Variants in AUH observed in about 807,000 individuals in gnomAD.
AUH encodes methylglutaconyl-CoA hydratase, mitochondrial.
Under a neutral mutation model 42.3 loss-of-function variants are expected in AUH, and 29 were observed. That is an observed-to-expected ratio of 0.69 (90% CI 0.51 to 0.93). The LOEUF (loss-of-function observed/expected upper bound fraction) is 0.93. AUH is among the 40% of genes least tolerant of loss of function. AUH has a pLI of 0.00. For synonymous variants in AUH, 174 were observed against 166.4 expected, an observed-to-expected ratio of 1.05 and a Z score of -0.35; for missense variants, 452 against 438.1, an observed-to-expected ratio of 1.03 and a Z score of -0.28.
intron 4 of AUH, among the ~76,000 whole-genome samples, chr9:91,300,881 C>T (rs1027159340): frequency 6.6e-6 from 1 of 152,202 alleles, no homozygotes; most frequent in African/African-American, 2.4e-5. Flanking sequence ...TCAAATGTCC[C>T]TTCCTCTATG....
At chr9:91,277,415 T>A (rs1011434170) in intron 6 of AUH, among the ~76,000 whole-genome samples, 1 of 152,170 alleles carries the variant, frequency 6.6e-6, no homozygotes, top group Non-Finnish European at 1.5e-5. Flanking sequence ...TTCCTTAACA[T>A]GATTAAGGAA....
At position 91,241,948 on chromosome 9, in the gene AUH, C is replaced by T. The variant is rs571739713; in HGVS notation, c.656-20956G>A. Among the ~76,000 whole-genome samples, 281 of 152,334 alleles carry T rather than the reference C, an allele frequency of 1.8e-3. 3 individuals carry two copies. The highest frequency in any genetic ancestry group is 0.011 in the South Asian group (52 of 4,826). ...TTAAATAATAGTTATTTATTGTGCA[C>T]TACAAGTTACTCTAAAACTCAGTGG... is the stretch of plus-strand genomic sequence containing the variant. On this transcript the variant is annotated intron_variant, in intron 6 of 9. Coordinates refer to ENST00000375731, the MANE Select transcript of AUH (RefSeq NM_001698.3).
intron 3 of AUH, among the ~76,000 whole-genome samples, chr9:91,335,541 T>A (rs1217682933): frequency 6.6e-6 from 1 of 152,228 alleles, no homozygotes; most frequent in Non-Finnish European, 1.5e-5. Context: ...TTCCATGTCA[T>A]TAGTTTATGC....
Position 91,354,280 on chromosome 9 carries a change from G to A in AUH, c.418+1603C>T, listed in dbSNP as rs199730799. Among the ~76,000 whole-genome samples, 4 of 152,070 alleles carry A rather than the reference G, an allele frequency of 2.6e-5. No homozygotes were observed. In the East Asian group the frequency reaches 7.7e-4, roughly 29 times the overall value. On this transcript the variant is annotated intron_variant, in intron 3 of 9. Transcript: ENST00000375731. ...TATGCCCCAATTTTTCTATAATTAA[G>A]ACACTGACTTTTGTTGACAAAATAC...
chr9:91,220,655 G>T, intron 7 of AUH, 150 bp downstream of exon 7: 1 of 742,364 alleles, frequency 1.3e-6, no homozygotes, highest in South Asian at 1.8e-5. Flanking sequence ...TTTATCTTGT[G>T]TAACTGCTCT....
chr9:91,331,417 T>C (rs1299547435), intron 3 of AUH, among the ~76,000 whole-genome samples: 1 of 152,232 alleles, frequency 6.6e-6, no homozygotes, highest in East Asian at 1.9e-4. Context: ...AGATTTCATA[T>C]GTTCCTTGTA....
At chr9:91,241,395 A>G (rs973419112) in intron 6 of AUH, among the ~76,000 whole-genome samples, 1 of 152,068 alleles carries the variant, frequency 6.6e-6, no homozygotes, top group African/African-American at 2.4e-5. Flanking sequence ...ACAATATGTT[A>G]TATATTATAT....
intron 6 of AUH, among the ~76,000 whole-genome samples, chr9:91,274,458 G>GTGT (rs1825392703): frequency 6.6e-6 from 1 of 152,180 alleles, no homozygotes; most frequent in African/African-American, 2.4e-5. Flanking sequence ...ACCTAAGGAT[G>GTGT]TGTTCTTAAT....
intron 4 of AUH, 45 bp from the exon 5 acceptor site, chr9:91,298,121 T>C (rs1468787310): frequency 2.8e-6 from 4 of 1,424,442 alleles, no homozygotes; most frequent in Admixed American, 1.7e-5. Flanking sequence ...AAGATTATTA[T>C]CTCACTGTGT....
At chr9:91,315,689 T>C (rs1829102564) in intron 4 of AUH, among the ~76,000 whole-genome samples, 1 of 152,322 alleles carries the variant, frequency 6.6e-6, no homozygotes. Flanking sequence ...ATTTGGCACA[T>C]ATAAAGAATA....
At chr9:91,252,803 C>A (rs1030769302) in intron 6 of AUH, among the ~76,000 whole-genome samples, 2 of 152,200 alleles carry the variant, frequency 1.3e-5, no homozygotes, top group Non-Finnish European at 2.9e-5. Context: ...GTAGCATTGA[C>A]CTTTTGACAT....
chr9:91,284,750 C>A (rs184273322), intron 6 of AUH, among the ~76,000 whole-genome samples: 112 of 152,268 alleles, frequency 7.4e-4, no homozygotes, highest in Middle Eastern at 3.4e-3. Context: ...CAAATCAAAA[C>A]CACAATGAGA....
At chr9:91,283,994 C>T (rs559931665) in intron 6 of AUH, among the ~76,000 whole-genome samples, 2 of 151,668 alleles carry the variant, frequency 1.3e-5, no homozygotes, top group South Asian at 2.1e-4. Flanking sequence ...AAAAAGGGCC[C>T]GCATTGCCAA....
At chr9:91,297,921 AC>A (rs1290072657) in intron 5 of AUH, 62 bp downstream of exon 5, 1 of 1,257,156 alleles carries the variant, frequency 8.0e-7, no homozygotes. Context: ...ATTTAAAATT[AC>A]CTGAAGAGTA....
chr9:91,259,391 C>T (rs545911376), intron 6 of AUH, among the ~76,000 whole-genome samples: 10 of 151,732 alleles, frequency 6.6e-5, no homozygotes, highest in Admixed American at 2.0e-4. Context: ...TCTGACCTCA[C>T]CTCTGACCTA....
chr9:91,270,442 A>C (rs1299981662), intron 6 of AUH, among the ~76,000 whole-genome samples: 2 of 152,184 alleles, frequency 1.3e-5, no homozygotes, highest in Non-Finnish European at 2.9e-5. Context: ...TGTTCTCAGG[A>C]AGGAGAATAG....
rs76484784 is a variant in AUH, at chr9:91,236,092, G to A, written c.656-15100C>T. Reference sequence around the variant, plus strand: ...AGGAAGTACAGATGGATGGAGGAAAGAGATTTGAACATGCATTTCAGAAAG... The same window carrying A: ...AGGAAGTACAGATGGATGGAGGAAAAAGATTTGAACATGCATTTCAGAAAG... On this transcript the variant is annotated intron_variant, in intron 6 of 9. Coordinates refer to ENST00000375731, the MANE Select transcript of AUH (RefSeq NM_001698.3). Among the ~76,000 whole-genome samples, 745 of 152,362 alleles carry A rather than the reference G, an allele frequency of 4.9e-3. 7 individuals are homozygous for A. The highest frequency in any genetic ancestry group is 0.042 in the East Asian group (218 of 5,184).
intron 3 of AUH, among the ~76,000 whole-genome samples, chr9:91,330,351 G>C (rs10991887): frequency 0.072 from 10,941 of 152,172 alleles, 682 homozygotes; most frequent in East Asian, 0.27. Context: ...TCATGTGTTA[G>C]AATAGTTCAT....
intron 6 of AUH, among the ~76,000 whole-genome samples, chr9:91,274,048 G>T (rs1825362631): frequency 6.6e-6 from 1 of 152,128 alleles, no homozygotes; most frequent in Admixed American, 6.5e-5. Flanking sequence ...ATGTAGGGCA[G>T]GGAAACAGGT....
Sources: allele counts gnomAD v4.1 joint callset (sites outside exome capture counted in the v4.1 genomes callset), GRCh38; gene constraint gnomAD v4.1.1; transcripts MANE v1.5; gene names NCBI Gene and HGNC (gene_info 2026-07-23, HGNC 2026-07-21).